Variants in DLG2 observed in about 807,000 individuals in gnomAD.
The protein encoded by DLG2 is discs large MAGUK scaffold protein 2, also known as disks large homolog 2.
Under a neutral mutation model 132.5 loss-of-function variants are expected in DLG2, and 45 were observed. That is an observed-to-expected ratio of 0.34 (90% CI 0.27 to 0.44). The LOEUF (loss-of-function observed/expected upper bound fraction) is 0.44, where lower values mean the gene tolerates loss of function less well. Among genes scored for constraint, DLG2 ranks in the 20% least tolerant of loss-of-function variants. DLG2 has a pLI of 1.00. For missense variants in DLG2, 1,045 were observed against 1,196.9 expected (o/e 0.87, Z 1.87); for synonymous variants, 424 against 419.6 (o/e 1.01, Z -0.13).
Position 83,460,092 on chromosome 11 carries a change from A to G in DLG2, c.2822-168T>C, listed in dbSNP as rs2089606712. On this transcript the variant is annotated intron_variant, in intron 27 of 27. Transcript: ENST00000376104. The stretch of plus-strand genomic sequence containing the variant: ...GCAGAAAATTCATATAAGCAAAGTT[A>G]CATTCATGATTTTAAGAAATGCTTT... 3.9e-5 allele frequency among the ~76,000 whole-genome samples: 6 copies of G among 152,386 alleles called. No homozygotes were observed. In the South Asian group the frequency reaches 1.2e-3, roughly 32 times the overall value.
At chr11:84,538,508 T>G (rs1220482081) in intron 6 of DLG2, among the ~76,000 whole-genome samples, 7 of 152,154 alleles carry the variant, frequency 4.6e-5, no homozygotes, top group Non-Finnish European at 1.5e-5. Context: ...TGAATTACAC[T>G]ACAAAGTATC....
intron 3 of DLG2, among the ~76,000 whole-genome samples, chr11:85,326,407 G>A (rs2081461155): frequency 1.7e-5 from 2 of 116,988 alleles, no homozygotes; most frequent in African/African-American, 6.6e-5. Context: ...AAGCCCATCA[G>A]ACTAACAGCG....
At chr11:84,408,499 A>G (rs1186899726) in intron 7 of DLG2, among the ~76,000 whole-genome samples, 1 of 152,114 alleles carries the variant, frequency 6.6e-6, no homozygotes, top group Non-Finnish European at 1.5e-5. Context: ...CTTGCTTGGG[A>G]CTCAGGGTTG....
chr11:85,595,607 C>T (rs1196004767), intron 3 of DLG2, among the ~76,000 whole-genome samples: 1 of 151,918 alleles, frequency 6.6e-6, no homozygotes, highest in East Asian at 1.9e-4. Context: ...ATTAAAGTGA[C>T]TTTTTCTACT....
chr11:84,281,632 C>T, intron 7 of DLG2, among the ~76,000 whole-genome samples: 1 of 147,590 alleles, frequency 6.8e-6, no homozygotes, highest in African/African-American at 2.5e-5. Flanking sequence ...TGATGTTCCC[C>T]TTCCTGTGTC....
intron 19 of DLG2, among the ~76,000 whole-genome samples, chr11:83,611,471 C>A (rs2060102679): frequency 6.6e-6 from 1 of 152,148 alleles, no homozygotes; most frequent in African/African-American, 2.4e-5. Flanking sequence ...TGATGACTGG[C>A]CCTAGACAAA....
At chr11:84,769,370 C>T (rs2068905569) in intron 6 of DLG2, among the ~76,000 whole-genome samples, 1 of 152,056 alleles carries the variant, frequency 6.6e-6, no homozygotes, top group African/African-American at 2.4e-5. Context: ...CAGACTAAAA[C>T]AATCAGAAGA....
chr11:84,521,424 T>C (rs1269449867), intron 7 of DLG2, among the ~76,000 whole-genome samples: 1 of 152,244 alleles, frequency 6.6e-6, no homozygotes, highest in Non-Finnish European at 1.5e-5. Flanking sequence ...GCTAGGTGGC[T>C]GCCTTGGGAA....
At chr11:83,873,033 T>C (rs1432870534) in intron 16 of DLG2, among the ~76,000 whole-genome samples, 1 of 152,212 alleles carries the variant, frequency 6.6e-6, no homozygotes, top group Non-Finnish European at 1.5e-5. Flanking sequence ...ACTTAGGAAA[T>C]TCTGCACGAT....
chr11:85,013,831 C>T (rs2059347801), intron 6 of DLG2, among the ~76,000 whole-genome samples: 1 of 152,052 alleles, frequency 6.6e-6, no homozygotes, highest in South Asian at 2.1e-4. Context: ...TTCATGTGAG[C>T]AGCAGTTAGG....
chr11:85,199,473 G>A (rs1423091036), intron 4 of DLG2, among the ~76,000 whole-genome samples: 3 of 152,152 alleles, frequency 2.0e-5, no homozygotes, highest in Admixed American at 6.5e-5. Flanking sequence ...AATTATATGC[G>A]AGAATCAAAG....
At chr11:84,541,843 C>A (rs1049859847) in intron 6 of DLG2, among the ~76,000 whole-genome samples, 12 of 152,144 alleles carry the variant, frequency 7.9e-5, no homozygotes, top group African/African-American at 2.9e-4. Context: ...CTAAGGAAGT[C>A]TGACCAGGCT....
intron 7 of DLG2, among the ~76,000 whole-genome samples, chr11:84,497,460 C>A (rs897247794): frequency 6.6e-6 from 1 of 152,010 alleles, no homozygotes; most frequent in East Asian, 1.9e-4. Context: ...ATCCCACTAT[C>A]CAATCAGAAA....
chr11:83,555,066 C>G (rs1039829056), intron 19 of DLG2, among the ~76,000 whole-genome samples: 4 of 152,210 alleles, frequency 2.6e-5, no homozygotes, highest in Non-Finnish European at 5.9e-5. Flanking sequence ...GGAAACTATT[C>G]TGGAGGGACC....
intron 17 of DLG2, among the ~76,000 whole-genome samples, chr11:83,813,416 C>G (rs2047915927): frequency 6.6e-6 from 1 of 152,150 alleles, no homozygotes; most frequent in Non-Finnish European, 1.5e-5. Context: ...CCATCCTTTG[C>G]AGGAATGCTT....
rs191553883 is a variant in DLG2, at chr11:85,195,873, A to C, written c.187-41222T>G. ...TATCACTGGAAATAGGGACTTAACT[A>C]AATATTTTTAAAATAGAAACAATTT... On this transcript the variant is annotated intron_variant, in intron 4 of 27. Coordinates refer to ENST00000376104, the MANE Select transcript of DLG2 (RefSeq NM_001142699.3). Among the ~76,000 whole-genome samples the C allele has an allele frequency of 9.9e-5, 15 of 152,246 alleles. No homozygotes were observed. The East Asian group carries it at 1.9e-3, about 20-fold the overall frequency.
chr11:83,793,259 A>G (rs1380747541), intron 17 of DLG2, among the ~76,000 whole-genome samples: 1 of 152,146 alleles, frequency 6.6e-6, no homozygotes, highest in Non-Finnish European at 1.5e-5. Context: ...ATTATTTCAT[A>G]TCATAGATAG....
At chr11:83,890,449 C>T (rs2069442471) in intron 15 of DLG2, among the ~76,000 whole-genome samples, 1 of 152,014 alleles carries the variant, frequency 6.6e-6, no homozygotes, top group South Asian at 2.1e-4. Context: ...ATTTTTCCTT[C>T]CATTCCTTTT....
chr11:84,349,318 C>A (rs558627425), intron 7 of DLG2, among the ~76,000 whole-genome samples: 1 of 152,130 alleles, frequency 6.6e-6, no homozygotes, highest in Non-Finnish European at 1.5e-5. Flanking sequence ...TATGGCCACC[C>A]CCTGCCCCCA....
Sources: allele counts gnomAD v4.1 joint callset (sites outside exome capture counted in the v4.1 genomes callset), GRCh38; gene constraint gnomAD v4.1.1; transcripts MANE v1.5; gene names NCBI Gene and HGNC (gene_info 2026-07-23, HGNC 2026-07-21).